DRD2: variants seen among roughly 807,000 people sequenced by gnomAD.
DRD2 encodes D(2) dopamine receptor.
In DRD2, 8 loss-of-function variants were observed where a neutral mutation model predicts 38.0. That is an observed-to-expected ratio of 0.21 (90% CI 0.12 to 0.38). The LOEUF is 0.38. DRD2 is among the 10% of genes least tolerant of loss of function. The pLI is 1.00. For missense variants in DRD2, 403 were observed against 607.7 expected (o/e 0.66, Z 3.54); for synonymous variants, 230 against 238.6 (o/e 0.96, Z 0.33).
intron 1 of DRD2, among the ~76,000 whole-genome samples, chr11:113,430,002 A>C (rs1388713339): frequency 1.3e-5 from 2 of 152,238 alleles, no homozygotes; most frequent in Non-Finnish European, 2.9e-5. Flanking sequence ...ATCAGACCAC[A>C]AGCCAACGGC....
intron 2 of DRD2, among the ~76,000 whole-genome samples, chr11:113,421,093 C>T (rs1014617195): frequency 2.0e-5 from 3 of 152,180 alleles, no homozygotes; most frequent in Non-Finnish European, 4.4e-5. Flanking sequence ...GACATAACCA[C>T]CTCTCCTCCA....
At chr11:113,449,803 C>T (rs1364993409) in intron 1 of DRD2, among the ~76,000 whole-genome samples, 1 of 152,182 alleles carries the variant, frequency 6.6e-6, no homozygotes, top group African/African-American at 2.4e-5. Flanking sequence ...AGAATTGGAG[C>T]CAGAGAGAGA....
chr11:113,422,049 G>C (rs1159500364), intron 2 of DRD2, among the ~76,000 whole-genome samples: 1 of 152,132 alleles, frequency 6.6e-6, no homozygotes, highest in Non-Finnish European at 1.5e-5. Context: ...CCCTACCCAA[G>C]TGCCTGGGTA....
intron 1 of DRD2, among the ~76,000 whole-genome samples, chr11:113,433,469 C>A (rs1189714207): frequency 6.6e-6 from 1 of 152,152 alleles, no homozygotes; most frequent in Non-Finnish European, 1.5e-5. Context: ...CCTGGACTAC[C>A]ATTTGGGGGT....
intron 1 of DRD2, among the ~76,000 whole-genome samples, chr11:113,470,437 C>T (rs966576349): frequency 1.3e-5 from 2 of 152,160 alleles, no homozygotes; most frequent in African/African-American, 4.8e-5. Context: ...ATTGATGGAG[C>T]TCCTGGGAGC....
chr11:113,411,264 A>G (rs549368413), intron 7 of DRD2, among the ~76,000 whole-genome samples: 1 of 152,338 alleles, frequency 6.6e-6, no homozygotes, highest in South Asian at 2.1e-4. Flanking sequence ...TTTGAGGGCT[A>G]TAGACCCATG....
chr11:113,414,121 G>A, intron 6 of DRD2: 1 of 548,458 alleles, frequency 1.8e-6, no homozygotes, highest in Non-Finnish European at 3.3e-6. Flanking sequence ...AATGTGAATA[G>A]CCATTATTAT....
intron 4 of DRD2, 62 bp from the exon 5 acceptor site, chr11:113,415,673 A>G: frequency 2.6e-6 from 4 of 1,545,276 alleles, no homozygotes; most frequent in Admixed American, 3.9e-5. Context: ...TAATTCCACA[A>G]GAGCCCATTC....
At chr11:113,425,273 T>C (rs1950929017) in intron 1 of DRD2, among the ~76,000 whole-genome samples, 1 of 152,164 alleles carries the variant, frequency 6.6e-6, no homozygotes, top group African/African-American at 2.4e-5. Context: ...GAGGAAGTGA[T>C]GTTCAACAGA....
At chr11:113,444,867 C>T (rs1458166819) in intron 1 of DRD2, among the ~76,000 whole-genome samples, 2 of 152,186 alleles carry the variant, frequency 1.3e-5, no homozygotes, top group Non-Finnish European at 2.9e-5. Context: ...AAAGAGGGTG[C>T]ACATTTTGCA....
chr11:113,435,161 C>T (rs567989277), intron 1 of DRD2, among the ~76,000 whole-genome samples: 2 of 152,288 alleles, frequency 1.3e-5, no homozygotes, highest in South Asian at 2.1e-4. Flanking sequence ...TGCAGGCCTC[C>T]AGGGTCTGCA....
At chr11:113,474,916 CG>C (rs1951465724) in intron 1 of DRD2, among the ~76,000 whole-genome samples, 159 bp downstream of exon 1, 1 of 152,164 alleles carries the variant, frequency 6.6e-6, no homozygotes, top group African/African-American at 2.4e-5. Context: ...CCCCGCCCGA[CG>C]GGGAGCCCAT....
At position 113,463,080 on chromosome 11, in the gene DRD2, G is replaced by A. The variant is rs78914043; in HGVS notation, c.-32+11996C>T. Among the ~76,000 whole-genome samples, 667 of 152,280 alleles carry A rather than the reference G, an allele frequency of 4.4e-3. 3 individuals are homozygous for A. Among genetic ancestry groups the A allele is most frequent in the African/African-American group, 0.015 (610 of 41,556 alleles). Reference sequence around the variant, plus strand: ...CTAATCTGCTTCCCTGTGAGAAAACGGGAATGTTGGTGGTGCTGTAGCCCC... The same window carrying A: ...CTAATCTGCTTCCCTGTGAGAAAACAGGAATGTTGGTGGTGCTGTAGCCCC... On this transcript the variant is annotated intron_variant, in intron 1 of 7. Transcript: ENST00000362072.
At chr11:113,465,684 C>G (rs931153513) in intron 1 of DRD2, among the ~76,000 whole-genome samples, 2 of 152,164 alleles carry the variant, frequency 1.3e-5, no homozygotes, top group African/African-American at 4.8e-5. Flanking sequence ...GGAGGAAAAA[C>G]CCTGGGCAGA....
intron 2 of DRD2, among the ~76,000 whole-genome samples, chr11:113,419,492 C>T (rs1950863232): frequency 7.1e-6 from 1 of 141,094 alleles, no homozygotes; most frequent in South Asian, 2.6e-4. Flanking sequence ...CGCCCTCCCC[C>T]CTCCCCACGT....
At chr11:113,423,991 C>T (rs1053677421) in intron 2 of DRD2, among the ~76,000 whole-genome samples, 2 of 152,176 alleles carry the variant, frequency 1.3e-5, no homozygotes, top group South Asian at 2.1e-4. Flanking sequence ...GGCCAGAATT[C>T]CAGCTTGGAC....
At chr11:113,432,294 C>T (rs1270064674) in intron 1 of DRD2, among the ~76,000 whole-genome samples, 6 of 11,254 alleles carry the variant, frequency 5.3e-4, no homozygotes, top group South Asian at 4.0e-3. Flanking sequence ...CTCTTTCTCT[C>T]TCTCTCTCTC....
chr11:113,439,800 C>T (rs1324323219), intron 1 of DRD2, among the ~76,000 whole-genome samples: 1 of 125,174 alleles, frequency 8.0e-6, no homozygotes, highest in Non-Finnish European at 1.6e-5. Flanking sequence ...GATCACACCA[C>T]TGCACTCCAG....
chr11:113,439,812 C>T (rs1436867838), intron 1 of DRD2, among the ~76,000 whole-genome samples: 2 of 118,744 alleles, frequency 1.7e-5, no homozygotes, highest in Non-Finnish European at 3.2e-5. Context: ...GCACTCCAGC[C>T]TGGGTGACAG....
Sources: gnomAD v4.1 joint callset for allele counts (sites outside exome capture counted in the v4.1 genomes callset) on GRCh38, gnomAD v4.1.1 for gene constraint, MANE v1.5 for transcripts, NCBI Gene and HGNC (gene_info 2026-07-23, HGNC 2026-07-21) for gene names.